SPOCK3: variants seen among roughly 807,000 people sequenced by gnomAD.
The protein encoded by SPOCK3 is SPARC (osteonectin), cwcv and kazal like domains proteoglycan 3.
A neutral mutation model predicts 56.6 loss-of-function variants in SPOCK3; 30 were observed. The ratio of observed to expected loss-of-function variants is 0.53; its 90% CI spans 0.40 to 0.72. The LOEUF (loss-of-function observed/expected upper bound fraction) is 0.72. Ranked by LOEUF, SPOCK3 falls within the 30% of genes least tolerant of loss-of-function variation. The pLI is 0.00. For missense variants in SPOCK3, 527 were observed against 530.0 expected (o/e 0.99, Z 0.06); for synonymous variants, 196 against 183.3 (o/e 1.07, Z -0.56).
chr4:167,131,615 C>T (rs550792196), intron 2 of SPOCK3, among the ~76,000 whole-genome samples: 1 of 151,958 alleles, frequency 6.6e-6, no homozygotes, highest in African/African-American at 2.4e-5. Context: ...ACAAAAAAAA[C>T]CAAAACCAAA....
At position 166,862,552 on chromosome 4, in the gene SPOCK3, C is replaced by T. The variant is rs189316301; in HGVS notation, c.589+26578G>A. On this transcript the variant is annotated intron_variant, in intron 6 of 10. Coordinates refer to ENST00000357545, the MANE Select transcript of SPOCK3 (RefSeq NM_001040159.2). The stretch of plus-strand genomic sequence containing the variant: ...AAACTTTAAACATTTTAAGTGTTCT[C>T]TTTTACAAATATTTGTCATGTTTGT... Among the ~76,000 whole-genome samples, 1,173 of 152,096 alleles carry T rather than the reference C, an allele frequency of 7.7e-3. 8 individuals carry two copies. Among genetic ancestry groups the T allele is most frequent in the Middle Eastern group, 0.024 (7 of 294 alleles).
intron 7 of SPOCK3, among the ~76,000 whole-genome samples, chr4:166,788,940 A>G (rs1741035428): frequency 6.7e-6 from 1 of 150,094 alleles, no homozygotes. Context: ...TATAATACTG[A>G]TGCAAACCCA....
intron 2 of SPOCK3, among the ~76,000 whole-genome samples, chr4:167,104,573 C>A (rs1359749434): frequency 6.6e-6 from 1 of 151,856 alleles, no homozygotes; most frequent in Non-Finnish European, 1.5e-5. Context: ...AAGAATGAAG[C>A]ACACCTACAA....
At chr4:166,947,481 C>T (rs79570077) in intron 4 of SPOCK3, among the ~76,000 whole-genome samples, 6,094 of 152,144 alleles carry the variant, frequency 0.04, 159 homozygotes, top group Non-Finnish European at 0.056. Flanking sequence ...TTGCATGTAA[C>T]TTTTGCCACC....
intron 6 of SPOCK3, among the ~76,000 whole-genome samples, chr4:166,803,443 C>T (rs560232208): frequency 6.6e-6 from 1 of 152,184 alleles, no homozygotes; most frequent in Admixed American, 6.5e-5. Flanking sequence ...TATGTTCTGA[C>T]AGCTGGTGGC....
chr4:167,220,452 C>T (rs904307757), intron 2 of SPOCK3, among the ~76,000 whole-genome samples: 3 of 148,028 alleles, frequency 2.0e-5, no homozygotes, highest in Non-Finnish European at 3.0e-5. Context: ...GATCACGGCT[C>T]ACTGCAGCCT....
chr4:166,866,676 A>G (rs1447762945), intron 6 of SPOCK3, among the ~76,000 whole-genome samples: 1 of 152,164 alleles, frequency 6.6e-6, no homozygotes, highest in Non-Finnish European at 1.5e-5. Flanking sequence ...GTATTAACTT[A>G]TGATCAAACT....
intron 8 of SPOCK3, chr4:166,754,238 G>A (rs1222470335): frequency 2.0e-5 from 23 of 1,129,822 alleles, no homozygotes; most frequent in Non-Finnish European, 2.3e-5. Flanking sequence ...ATATTTCTGT[G>A]TGCTTCTTGG....
chr4:166,901,945 A>C (rs951197429), intron 5 of SPOCK3, among the ~76,000 whole-genome samples: 2 of 152,118 alleles, frequency 1.3e-5, no homozygotes, highest in African/African-American at 2.4e-5. Context: ...TGGCCTACGT[A>C]GAGGAACATT....
chr4:167,234,757 A>T (rs1580711184), upstream of SPOCK3: 1 of 158,512 alleles, frequency 6.3e-6, no homozygotes, highest in African/African-American at 2.4e-5. Flanking sequence ...GAGCCAGAGG[A>T]CGAGGTAGCT....
chr4:166,825,262 C>T (rs1039496242), intron 6 of SPOCK3, among the ~76,000 whole-genome samples: 4 of 151,918 alleles, frequency 2.6e-5, no homozygotes, highest in Non-Finnish European at 5.9e-5. Context: ...ATTTTCTGAC[C>T]TGAGAAGTAA....
At chr4:167,015,809 T>C (rs1025238110) in intron 3 of SPOCK3, among the ~76,000 whole-genome samples, 1 of 152,148 alleles carries the variant, frequency 6.6e-6, no homozygotes, top group South Asian at 2.1e-4. Context: ...TCGGTAACCT[T>C]ATTTTGTTAG....
chr4:167,194,389 T>C (rs1188222629), intron 2 of SPOCK3, among the ~76,000 whole-genome samples: 2 of 152,214 alleles, frequency 1.3e-5, no homozygotes, highest in Non-Finnish European at 2.9e-5. Flanking sequence ...TTAAGATGAA[T>C]TTCTTTAAAT....
intron 2 of SPOCK3, among the ~76,000 whole-genome samples, chr4:167,132,882 C>T (rs7659299): frequency 0.12 from 18,433 of 152,076 alleles, 1,295 homozygotes; most frequent in Admixed American, 0.18. Flanking sequence ...CAAGGATGGC[C>T]TCCTCTTCTC....
chr4:167,036,007 A>C (rs1752715701), intron 3 of SPOCK3, among the ~76,000 whole-genome samples: 1 of 152,230 alleles, frequency 6.6e-6, no homozygotes. Context: ...ATTACATTTG[A>C]GCTTCCGCTG....
At chr4:166,741,969 G>T (rs758514788) in intron 9 of SPOCK3, 28 bp downstream of exon 9, 3 of 1,514,948 alleles carry the variant, frequency 2.0e-6, no homozygotes, top group Non-Finnish European at 2.7e-6. Context: ...AAGCAATAAA[G>T]CCTTCAGAAG....
Position 167,065,037 on chromosome 4 carries a change from C to CAAAAAAAAAAAAAAAAAAAAAAAAAA in SPOCK3, c.190-2501_190-2500insTTTTTTTTTTTTTTTTTTTTTTTTTT, listed in dbSNP as rs56284627. On this transcript the variant is annotated intron_variant, in intron 2 of 10. Coordinates refer to ENST00000357545, the MANE Select transcript of SPOCK3 (RefSeq NM_001040159.2). ...CTATTTTCAAATCCAATGCCCTCTC[C>CAAAAAAAAAAAAAAAAAAAAAAAAAA]AAAAAAAAAAAAAAAAAAAAAAAGT... Among the ~76,000 whole-genome samples the CAAAAAAAAAAAAAAAAAAAAAAAAAA allele has an allele frequency of 1.2e-3, 76 of 64,052 alleles. 6 individuals carry two copies. Among genetic ancestry groups the CAAAAAAAAAAAAAAAAAAAAAAAAAA allele is most frequent in the African/African-American group, 1.8e-3 (23 of 12,686 alleles). 42.0% of individuals were successfully genotyped at this position (64,052 alleles called of 152,430 possible). A position where few individuals can be genotyped will look rare whatever the true frequency, so the allele number is the denominator to read the frequency against.
At chr4:167,174,625 C>T (rs1017425991) in intron 2 of SPOCK3, among the ~76,000 whole-genome samples, 43 of 152,020 alleles carry the variant, frequency 2.8e-4, no homozygotes, top group African/African-American at 7.7e-4. Flanking sequence ...TAGAGCCTAT[C>T]GGATGAGAAT....
chr4:166,887,563 G>T (rs1196305688), intron 6 of SPOCK3, among the ~76,000 whole-genome samples: 1 of 152,042 alleles, frequency 6.6e-6, no homozygotes, highest in East Asian at 1.9e-4. Flanking sequence ...GTAGCTTTTT[G>T]ATTATCTGGG....
Sources: allele counts gnomAD v4.1 joint callset (sites outside exome capture counted in the v4.1 genomes callset), GRCh38; gene constraint gnomAD v4.1.1; transcripts MANE v1.5; gene names NCBI Gene and HGNC (gene_info 2026-07-23, HGNC 2026-07-21).